Variants in TDP1 observed in about 807,000 individuals in gnomAD.
TDP1 encodes the protein tyr-DNA phosphodiesterase 1.
In TDP1, 64 loss-of-function variants were observed where a neutral mutation model predicts 81.5. The ratio of observed to expected loss-of-function variants is 0.79; its 90% CI spans 0.64 to 0.97. The LOEUF (loss-of-function observed/expected upper bound fraction) is 0.97. TDP1 is among the 50% of genes least tolerant of loss of function. The pLI is 0.00. For missense variants in TDP1, 723 were observed against 743.8 expected (o/e 0.97, Z 0.33); for synonymous variants, 256 against 264.3 (o/e 0.97, Z 0.30).
intron 6 of TDP1, 146 bp from the exon 7 acceptor site, chr14:89,975,631 GCTGT>G: frequency 1.2e-6 from 1 of 836,060 alleles, no homozygotes; most frequent in South Asian, 1.8e-5. Flanking sequence ...TATTATAAAA[GCTGT>G]CTTGTTATTC....
At chr14:89,977,979 G>A (rs189371111) in intron 7 of TDP1, among the ~76,000 whole-genome samples, 6 of 152,336 alleles carry the variant, frequency 3.9e-5, no homozygotes, top group Admixed American at 3.3e-4. Context: ...AGAATCGATA[G>A]AGGGGAAAGA....
intron 14 of TDP1, among the ~76,000 whole-genome samples, chr14:90,018,063 T>G (rs1885522485): frequency 7.0e-6 from 1 of 143,648 alleles, no homozygotes; most frequent in Non-Finnish European, 1.5e-5. Flanking sequence ...CATAGAACCC[T>G]TAACAAACTT....
chr14:89,968,395 A>C (rs1893198529), intron 5 of TDP1, among the ~76,000 whole-genome samples: 2 of 152,144 alleles, frequency 1.3e-5, no homozygotes, highest in Non-Finnish European at 2.9e-5. Context: ...CTCGTGGCCC[A>C]GTATGGCAGC....
chr14:89,977,342 G>T (rs1281153958), intron 7 of TDP1, among the ~76,000 whole-genome samples: 1 of 152,072 alleles, frequency 6.6e-6, no homozygotes, highest in Admixed American at 6.5e-5. Flanking sequence ...CTGTTGCCCA[G>T]GCTGGAGTAC....
At position 90,023,140 on chromosome 14, in the gene TDP1, G is replaced by A. The variant is rs942196860; in HGVS notation, c.1644+3722G>A. ...ATTACAATATATGACAACAACTAGG[G>A]TGTGGGGCATTCAAAATACAGGGGC... On this transcript the variant is annotated intron_variant, in intron 15 of 16. Coordinates refer to ENST00000335725, the MANE Select transcript of TDP1 (RefSeq NM_018319.4). The A allele has an allele frequency of 2.9e-5, 21 of 731,086 alleles. 1 individual carries two copies. The Admixed American group carries it at 3.8e-4, about 13-fold the overall frequency. The allele number at this position is 731,086 out of a possible 1,614,324, so 45.3% of individuals were successfully genotyped here. A position where few individuals can be genotyped will look rare whatever the true frequency, so the allele number is the denominator to read the frequency against.
chr14:90,014,578 C>T (rs917030546), intron 14 of TDP1, among the ~76,000 whole-genome samples: 6 of 152,308 alleles, frequency 3.9e-5, no homozygotes, highest in East Asian at 3.9e-4. Context: ...ATCCCTGGTC[C>T]TCTAGAAGTG....
intron 14 of TDP1, among the ~76,000 whole-genome samples, chr14:90,013,351 A>G (rs1884939018): frequency 6.6e-6 from 1 of 151,848 alleles, no homozygotes; most frequent in African/African-American, 2.4e-5. Context: ...CATGGGAGGG[A>G]CCTGGTGGGA....
rs1027527074 is a variant in TDP1, at chr14:89,989,795, G to A, written c.1366+30G>A. The A allele has an allele frequency of 3.9e-6, 6 of 1,552,846 alleles. No homozygotes were observed. The African/African-American group carries it at 8.2e-5, about 21-fold the overall frequency. ...TTCTTGGGGAGACTGTCTTGATTGT[G>A]TTTTATGTATATTTCATGAATGTCC... On this transcript the variant is annotated intron_variant, in intron 12 of 16. Transcript: ENST00000335725.
At chr14:89,970,817 A>G (rs1893538525) in intron 5 of TDP1, 2 of 865,124 alleles carry the variant, frequency 2.3e-6, no homozygotes, top group South Asian at 1.1e-4. Flanking sequence ...TTCATGAATG[A>G]TGTATTTTAA....
chr14:89,974,270 G>A (rs767439378), intron 6 of TDP1, among the ~76,000 whole-genome samples: 3 of 152,194 alleles, frequency 2.0e-5, no homozygotes, highest in African/African-American at 7.2e-5. Flanking sequence ...TATTATCCTT[G>A]TTTTTTGTGC....
chr14:89,969,876 C>CTT (rs5810477), intron 5 of TDP1, among the ~76,000 whole-genome samples: 7,556 of 122,658 alleles, frequency 0.062, 617 homozygotes, highest in African/African-American at 0.13. Flanking sequence ...ATACTTATTT[C>CTT]TTTTTTTTTT....
At chr14:90,012,430 G>A (rs1347395478) in intron 14 of TDP1, among the ~76,000 whole-genome samples, 3 of 150,720 alleles carry the variant, frequency 2.0e-5, no homozygotes, top group African/African-American at 4.9e-5. Flanking sequence ...TGGGGCCTCC[G>A]ACCCCATAAT....
chr14:89,957,376 G>C (rs1001191874), intron 2 of TDP1, among the ~76,000 whole-genome samples: 9 of 152,204 alleles, frequency 5.9e-5, no homozygotes, highest in Non-Finnish European at 1.0e-4. Flanking sequence ...ATGAACTCCA[G>C]GGGGTAAGCA....
At chr14:90,030,286 G>A (rs1487015442) in intron 15 of TDP1, among the ~76,000 whole-genome samples, 1 of 152,162 alleles carries the variant, frequency 6.6e-6, no homozygotes, top group South Asian at 2.1e-4. Context: ...GGATGTGCCT[G>A]CTCTGTGCTT....
chr14:90,042,775 C>A, intron 16 of TDP1: 1 of 630,404 alleles, frequency 1.6e-6, no homozygotes, highest in Non-Finnish European at 2.0e-6. Flanking sequence ...ATTCAATTAC[C>A]TCCCACCAAG....
At position 89,963,667 on chromosome 14, in the gene TDP1, A is replaced by G. The variant is rs1488590285; in HGVS notation, c.553A>G (p.Ile185Val). The G allele has an allele frequency of 1.9e-6, 3 of 1,613,808 alleles. No homozygotes were observed. The East Asian group carries it at 6.7e-5, about 36-fold the overall frequency. ...KPKYNSGALH[I>V]KDILSPLFGT... ...AAAGTATAACTCTGGAGCCCTCCACATCAAGGGTAAGAGGATGCTGGGTGT... is the reference window on the plus strand; with the variant it reads ...AAAGTATAACTCTGGAGCCCTCCACGTCAAGGGTAAGAGGATGCTGGGTGT... Residue 185 changes from isoleucine (I) to valine (V), a missense_variant, in exon 3 of 17, where the codon ATC becomes GTC. Physicochemically the swap from Ile to Val is conservative, Grantham distance 29. Transcript: ENST00000335725.
chr14:90,018,519 G>A (rs1337315858), intron 14 of TDP1, among the ~76,000 whole-genome samples: 2 of 151,934 alleles, frequency 1.3e-5, no homozygotes, highest in Non-Finnish European at 1.5e-5. Context: ...GGAGTGTGGT[G>A]GTGTAGTTTT....
intron 6 of TDP1, among the ~76,000 whole-genome samples, chr14:89,974,303 A>T (rs1430424829): frequency 1.3e-5 from 2 of 152,230 alleles, no homozygotes; most frequent in Non-Finnish European, 2.9e-5. Context: ...AGAAGCATGT[A>T]ACTTTTAGCA....
intron 10 of TDP1, among the ~76,000 whole-genome samples, chr14:89,986,700 T>G (rs1446167822): frequency 6.6e-6 from 1 of 152,230 alleles, no homozygotes; most frequent in African/African-American, 2.4e-5. Context: ...CTTCAGGGGC[T>G]GAGCACTGCA....
Sources: allele counts gnomAD v4.1 joint callset (sites outside exome capture counted in the v4.1 genomes callset), GRCh38; gene constraint gnomAD v4.1.1; transcripts MANE v1.5; gene names NCBI Gene and HGNC (gene_info 2026-07-23, HGNC 2026-07-21).